The following KALRN variants were observed in gnomAD, a reference collection of about 807,000 sequenced individuals.
KALRN encodes the protein kalirin RhoGEF kinase.
KALRN carries 70 observed loss-of-function variants against 353.7 expected under a neutral mutation model. The observed-to-expected ratio is 0.20, with a 90% confidence interval of 0.16 to 0.24. The LOEUF is 0.24. KALRN is among the 10% of genes least tolerant of loss of function. The probability of loss-of-function intolerance (pLI) is 1.00; values close to 1 mark genes in which losing one functional copy is unlikely to be tolerated. For missense variants in KALRN, 2,791 were observed against 3,756.7 expected (o/e 0.74, Z 6.72); for synonymous variants, 1,391 against 1,434.8 (o/e 0.97, Z 0.69).
rs143437014 is a variant in KALRN at position 124,456,642 on chromosome 3, A to G, written c.3768A>G (p.Pro1256=). ...AGGACCTGGAGCTGGATATTATCCCAGCAAGCCTTTCGGATCGGGAGGTCA... is the reference window on the plus strand; with the variant it reads ...AGGACCTGGAGCTGGATATTATCCCGGCAAGCCTTTCGGATCGGGAGGTCA... ...DNKDLELDII[P]ASLSDREVKL... is the part of the protein sequence containing the mutation. The change falls in exon 23 of 60, where the codon CCA becomes CCG. Residue 1256 remains proline, a synonymous_variant. Transcript: ENST00000682506. 9.0e-5 allele frequency: 145 copies of G among 1,613,226 alleles called. 1 individual carries two copies. In the African/African-American group the frequency reaches 1.4e-3, roughly 16 times the overall value.
At chr3:124,502,237 G>A (rs1050432641) in intron 33 of KALRN, among the ~76,000 whole-genome samples, 1 of 152,214 alleles carries the variant, frequency 6.6e-6, no homozygotes, top group African/African-American at 2.4e-5. Flanking sequence ...TCCCATGCCT[G>A]TGATTTGAGG....
intron 9 of KALRN, among the ~76,000 whole-genome samples, chr3:124,339,042 G>A (rs906771468): frequency 1.3e-5 from 2 of 152,192 alleles, no homozygotes; most frequent in African/African-American, 4.8e-5. Flanking sequence ...TGGGAATGAG[G>A]TGGAGCCTAT....
chr3:124,581,734 G>C (rs2074652341), intron 34 of KALRN, among the ~76,000 whole-genome samples: 1 of 152,148 alleles, frequency 6.6e-6, no homozygotes. Context: ...ACCAAATATT[G>C]AACCTTGGAC....
At chr3:124,468,251 G>C (rs1003779682) in intron 25 of KALRN, among the ~76,000 whole-genome samples, 96 of 152,280 alleles carry the variant, frequency 6.3e-4, no homozygotes, top group African/African-American at 2.3e-3. Flanking sequence ...ATGCACTGTG[G>C]TATTTTGTGT....
intron 9 of KALRN, among the ~76,000 whole-genome samples, chr3:124,339,403 C>T (rs557790198): frequency 2.0e-5 from 3 of 152,332 alleles, no homozygotes; most frequent in East Asian, 3.9e-4. Context: ...GCTGAGCCCT[C>T]TCAGAAGAAT....
chr3:124,211,582 G>A (rs1182899406), intron 1 of KALRN, among the ~76,000 whole-genome samples: 3 of 152,158 alleles, frequency 2.0e-5, no homozygotes, highest in African/African-American at 7.2e-5. Flanking sequence ...GCTTAGGAGA[G>A]GGCAGCAGCA....
rs151187453 is a variant in KALRN, at chr3:124,310,384, A to G, written c.1092+11471A>G. Among the ~76,000 whole-genome samples the G allele has an allele frequency of 4.8e-4, 73 of 152,320 alleles. No homozygotes were observed. The East Asian group carries it at 0.012, about 24-fold the overall frequency. ...CCAGTATATCTCTATCAGGATCCCA[A>G]CTGGATTCTTTGTAGAAATTGACAA... On this transcript the variant is annotated intron_variant, in intron 6 of 59. Coordinates refer to ENST00000682506, the MANE Select transcript of KALRN (RefSeq NM_001388419.1).
intron 1 of KALRN, among the ~76,000 whole-genome samples, chr3:124,097,982 A>C (rs961925269): frequency 3.3e-5 from 5 of 152,232 alleles, no homozygotes; most frequent in Non-Finnish European, 7.3e-5. Context: ...AAAAGAGCTC[A>C]TAGAGATAAG....
intron 8 of KALRN, among the ~76,000 whole-genome samples, chr3:124,333,266 A>T (rs2080788053): frequency 1.3e-5 from 2 of 152,350 alleles, no homozygotes; most frequent in South Asian, 2.1e-4. Context: ...GGGGACACAG[A>T]CAAACCATAT....
At chr3:124,489,693 G>A (rs1291313360) in intron 29 of KALRN, among the ~76,000 whole-genome samples, 6 of 152,086 alleles carry the variant, frequency 3.9e-5, no homozygotes, top group Non-Finnish European at 8.8e-5. Flanking sequence ...CTATGCTCTG[G>A]ATCCAGCTAC....
chr3:124,346,103 C>A (rs1015001376), intron 9 of KALRN, among the ~76,000 whole-genome samples: 1 of 152,150 alleles, frequency 6.6e-6, no homozygotes, highest in African/African-American at 2.4e-5. Context: ...GGATCTATAA[C>A]AGGTGTGTCT....
At chr3:124,413,419 A>G in intron 13 of KALRN, 51 bp from the exon 14 acceptor site, 2 of 1,490,320 alleles carry the variant, frequency 1.3e-6, no homozygotes, top group Non-Finnish European at 1.8e-6. Flanking sequence ...TAACCTAACA[A>G]TCTCTCGTGG....
At chr3:124,163,672 A>G (rs772886487) in intron 1 of KALRN, 11 of 984,736 alleles carry the variant, frequency 1.1e-5, no homozygotes, top group Non-Finnish European at 1.3e-5. Flanking sequence ...GAATAAATGT[A>G]TAAATATTAC....
At chr3:124,592,395 A>G (rs1187119438) in intron 34 of KALRN, among the ~76,000 whole-genome samples, 1 of 151,900 alleles carries the variant, frequency 6.6e-6, no homozygotes, top group East Asian at 1.9e-4. Flanking sequence ...AACACAAGGT[A>G]CAAGAACTGG....
At chr3:124,283,616 A>G (rs967981792) in intron 5 of KALRN, among the ~76,000 whole-genome samples, 3 of 152,168 alleles carry the variant, frequency 2.0e-5, no homozygotes, top group African/African-American at 7.2e-5. Flanking sequence ...GCAGGGAATA[A>G]AGTGCATCCA....
intron 10 of KALRN, among the ~76,000 whole-genome samples, chr3:124,366,859 C>A (rs1236098937): frequency 2.2e-5 from 3 of 139,150 alleles, no homozygotes; most frequent in African/African-American, 8.5e-5. Context: ...CCCTCCCGGA[C>A]GGGGCGGCTG....
intron 33 of KALRN, among the ~76,000 whole-genome samples, chr3:124,515,471 T>C (rs2066431881): frequency 6.6e-6 from 1 of 152,218 alleles, no homozygotes. Context: ...GTGCTTGATA[T>C]CCTGCAAAAC....
chr3:124,584,774 C>T (rs1377716010), intron 34 of KALRN: 4 of 1,564,922 alleles, frequency 2.6e-6, no homozygotes, highest in Non-Finnish European at 2.6e-6. Context: ...GCTCTCACCC[C>T]GGGCTGGCGC....
intron 29 of KALRN, among the ~76,000 whole-genome samples, chr3:124,490,231 T>A (rs768580533): frequency 6.6e-6 from 1 of 151,706 alleles, no homozygotes; most frequent in African/African-American, 2.4e-5. Context: ...GCAAAAAAAA[T>A]AAAAAATAAT....
Sources: allele counts gnomAD v4.1 joint callset (sites outside exome capture counted in the v4.1 genomes callset), GRCh38; gene constraint gnomAD v4.1.1; transcripts MANE v1.5; gene names NCBI Gene and HGNC (gene_info 2026-07-23, HGNC 2026-07-21).